The following RIMS1 variants were observed in gnomAD, a reference collection of about 807,000 sequenced individuals.
RIMS1 encodes regulating synaptic membrane exocytosis protein 1.
RIMS1 carries 83 observed loss-of-function variants against 214.1 expected under a neutral mutation model. That is an observed-to-expected ratio of 0.39 (90% CI 0.32 to 0.47). RIMS1 has a LOEUF of 0.47. Among genes scored for constraint, RIMS1 ranks in the 20% least tolerant of loss-of-function variants. The pLI, the probability that RIMS1 is intolerant of heterozygous loss-of-function variation, is 0.99. For synonymous variants in RIMS1, 793 were observed against 786.8 expected (o/e 1.01, Z -0.13); for missense variants, 2,050 against 2,161.8 (o/e 0.95, Z 1.03).
In RIMS1 at chr6:72,026,521, A is replaced by AG. The variant is rs575553976; in HGVS notation, c.245+57459dup. On this transcript the variant is annotated intron_variant, in intron 2 of 33. Coordinates refer to ENST00000521978, the MANE Select transcript of RIMS1 (RefSeq NM_014989.7). ...ACTAGGGAAGAATCTACCAATGTGG[A>AG]GTCCATTTGGGTTTTTGGAACTCTT... 1.6e-3 allele frequency among the ~76,000 whole-genome samples: 203 copies of AG among 128,278 alleles called. 1 individual carries two copies. The South Asian group carries it at 0.024, about 15-fold the overall frequency. The allele number at this position is 128,278 out of a possible 152,430, so 84.2% of individuals were successfully genotyped here.
intron 29 of RIMS1, among the ~76,000 whole-genome samples, chr6:72,337,515 A>C (rs1211139915): frequency 6.6e-6 from 1 of 151,266 alleles, no homozygotes; most frequent in Admixed American, 6.6e-5. Flanking sequence ...AGTGTATACA[A>C]TTTCACTCCT....
At chr6:72,364,328 C>G (rs1217152642) in intron 29 of RIMS1, among the ~76,000 whole-genome samples, 1 of 152,056 alleles carries the variant, frequency 6.6e-6, no homozygotes, top group African/African-American at 2.4e-5. Context: ...TCTAATTACA[C>G]CTTTAAAAAT....
intron 4 of RIMS1, among the ~76,000 whole-genome samples, chr6:72,160,123 A>G (rs2153930507): frequency 1.0e-5 from 1 of 96,296 alleles, no homozygotes; most frequent in African/African-American, 3.4e-5. Flanking sequence ...TTGGATTCCT[A>G]GGTATTTTAT....
intron 2 of RIMS1, among the ~76,000 whole-genome samples, chr6:72,078,758 C>G (rs1270303779): frequency 2.0e-5 from 3 of 152,128 alleles, no homozygotes; most frequent in Non-Finnish European, 4.4e-5. Context: ...TACATGCCTA[C>G]TTTCCATATC....
Position 71,886,873 on chromosome 6 carries a change from G to A in RIMS1, c.-151G>A, listed in dbSNP as rs1356511734. 1 of 771,134 alleles carries A rather than the reference G, an allele frequency of 1.3e-6. No homozygotes were observed. The allele number at this position is 771,134 out of a possible 1,614,324, so 47.8% of individuals were successfully genotyped here. Reference sequence around the variant, plus strand: ...GGTTCTCGCTCTCCCCGGCTCTGCTGCTGCTGCTGCTGCCGCCGCCGCCGC... The same window carrying A: ...GGTTCTCGCTCTCCCCGGCTCTGCTACTGCTGCTGCTGCCGCCGCCGCCGC... On this transcript the variant is annotated 5_prime_UTR_variant, in exon 1 of 34. Transcript: ENST00000521978.
intron 6 of RIMS1, among the ~76,000 whole-genome samples, chr6:72,190,310 A>T (rs992107203): frequency 6.6e-6 from 1 of 152,006 alleles, no homozygotes; most frequent in Non-Finnish European, 1.5e-5. Context: ...CTAAAAATAC[A>T]AAATTAGCCG....
chr6:72,047,606 G>T (rs1323421587), intron 2 of RIMS1, among the ~76,000 whole-genome samples: 2 of 151,870 alleles, frequency 1.3e-5, no homozygotes, highest in African/African-American at 4.8e-5. Flanking sequence ...TAAACTGTGC[G>T]GGCTAGTTTG....
At chr6:72,064,377 G>A (rs781029211) in intron 2 of RIMS1, among the ~76,000 whole-genome samples, 6 of 151,946 alleles carry the variant, frequency 3.9e-5, no homozygotes, top group Non-Finnish European at 7.4e-5. Context: ...AGGGAGGAAC[G>A]AAGGAAGGAA....
chr6:72,353,433 A>G (rs1028996493), intron 29 of RIMS1, among the ~76,000 whole-genome samples: 2 of 152,278 alleles, frequency 1.3e-5, no homozygotes, highest in South Asian at 2.1e-4. Context: ...CACAATTTCT[A>G]TTCATTCGTC....
chr6:72,336,082 C>T (rs1272985102), intron 29 of RIMS1, among the ~76,000 whole-genome samples: 2 of 151,762 alleles, frequency 1.3e-5, no homozygotes, highest in Non-Finnish European at 2.9e-5. Context: ...GAAATGGAAA[C>T]GTTATTTGAT....
At chr6:71,951,741 C>G (rs1038476562) in intron 1 of RIMS1, among the ~76,000 whole-genome samples, 4 of 151,610 alleles carry the variant, frequency 2.6e-5, no homozygotes, top group African/African-American at 9.7e-5. Flanking sequence ...TCAAGCCATC[C>G]CCTGCCTCAA....
At chr6:72,313,800 T>C (rs2095629681) in intron 28 of RIMS1, 128 bp downstream of exon 28, 2 of 902,736 alleles carry the variant, frequency 2.2e-6, no homozygotes, top group East Asian at 5.3e-5. Context: ...TCGACTACTA[T>C]GTAGTATTGC....
chr6:71,952,688 G>A (rs1057458133), intron 1 of RIMS1, among the ~76,000 whole-genome samples: 2 of 152,164 alleles, frequency 1.3e-5, no homozygotes, highest in Non-Finnish European at 2.9e-5. Context: ...CACATAGCTG[G>A]ATATCCCCAC....
chr6:72,301,972 A>G (rs1388435352), intron 26 of RIMS1, among the ~76,000 whole-genome samples: 1 of 151,674 alleles, frequency 6.6e-6, no homozygotes, highest in Non-Finnish European at 1.5e-5. Context: ...AAAGCAAGAG[A>G]CAAAGTCATT....
intron 2 of RIMS1, among the ~76,000 whole-genome samples, chr6:72,013,863 T>C (rs1289736446): frequency 2.6e-5 from 4 of 152,178 alleles, no homozygotes; most frequent in Non-Finnish European, 4.4e-5. Flanking sequence ...AGAAAACCCA[T>C]ACTTATTAGC....
chr6:72,003,725 A>C (rs1317171201), intron 2 of RIMS1, among the ~76,000 whole-genome samples: 1 of 152,024 alleles, frequency 6.6e-6, no homozygotes, highest in Non-Finnish European at 1.5e-5. Flanking sequence ...CTCCAACAAA[A>C]GTGGTCAAGT....
intron 2 of RIMS1, among the ~76,000 whole-genome samples, chr6:72,090,017 T>C (rs1251720570): frequency 1.1e-5 from 1 of 94,586 alleles, no homozygotes; most frequent in African/African-American, 4.3e-5. Context: ...CTGGGGACTG[T>C]GGTGGGGTGG....
chr6:72,193,477 C>T (rs1167807178), intron 6 of RIMS1, among the ~76,000 whole-genome samples: 2 of 152,198 alleles, frequency 1.3e-5, no homozygotes, highest in Admixed American at 6.5e-5. Context: ...CAAAGAGCAA[C>T]ACCTTTTATC....
At chr6:72,388,300 C>T (rs1727287679) in intron 29 of RIMS1, among the ~76,000 whole-genome samples, 1 of 151,936 alleles carries the variant, frequency 6.6e-6, no homozygotes. Context: ...TAAAAAAGGC[C>T]CAGAAGCAGC....
Sources: gnomAD v4.1 joint callset for allele counts (sites outside exome capture counted in the v4.1 genomes callset) on GRCh38, gnomAD v4.1.1 for gene constraint, MANE v1.5 for transcripts, NCBI Gene and HGNC (gene_info 2026-07-23, HGNC 2026-07-21) for gene names.